YEATS2: variants seen among roughly 807,000 people sequenced by gnomAD.
The protein encoded by YEATS2 is YEATS domain-containing protein 2.
YEATS2 carries 77 observed loss-of-function variants against 163.2 expected under a neutral mutation model. That is an observed-to-expected ratio of 0.47 (90% CI 0.39 to 0.57). The LOEUF (loss-of-function observed/expected upper bound fraction) is 0.57. Among genes scored for constraint, YEATS2 ranks in the 20% least tolerant of loss-of-function variants. YEATS2 has a pLI of 0.00. For synonymous variants in YEATS2, 631 were observed against 645.1 expected (o/e 0.98, Z 0.33); for missense variants, 1,549 against 1,729.8 (o/e 0.90, Z 1.85).
intron 19 of YEATS2, among the ~76,000 whole-genome samples, chr3:183,781,463 C>G (rs1723554480): frequency 6.6e-6 from 1 of 152,174 alleles, no homozygotes; most frequent in African/African-American, 2.4e-5. Context: ...GAGGGCGGAT[C>G]TTCTTTACTC....
Position 183,736,843 on chromosome 3 carries a change from A to G in YEATS2, c.924+14A>G. ...CATAATCTGAAGGTATTGTAACAAA[A>G]CATTGCTCCCTAGTTTTGAAGTCTC... On this transcript the variant is annotated intron_variant, in intron 8 of 30. Coordinates refer to ENST00000305135, the MANE Select transcript of YEATS2 (RefSeq NM_018023.5). 1 of 1,602,306 alleles carries G rather than the reference A, an allele frequency of 6.2e-7. No individual in the cohort carries two copies.
At chr3:183,709,596 A>G (rs772003037) in intron 1 of YEATS2, among the ~76,000 whole-genome samples, 4 of 152,038 alleles carry the variant, frequency 2.6e-5, no homozygotes, top group South Asian at 4.1e-4. Context: ...TGGCCTCCCA[A>G]AGTGCTGAGA....
chr3:183,755,037 T>A (rs1011261171), intron 11 of YEATS2, among the ~76,000 whole-genome samples: 16 of 152,252 alleles, frequency 1.1e-4, no homozygotes, highest in African/African-American at 3.9e-4. Context: ...AAAAAAAGAA[T>A]GTTTGGTGTT....
rs528154383 is a variant in YEATS2, at chr3:183,709,915, T to C, written c.-19-5229T>C. On this transcript the variant is annotated intron_variant, in intron 1 of 30. Transcript: ENST00000305135. Reference sequence around the variant, plus strand: ...CAGGATGGTCTTCATCTCCTGACCTTGTGATCCGCCCACCTCGGCCTCCCA... The same window carrying C: ...CAGGATGGTCTTCATCTCCTGACCTCGTGATCCGCCCACCTCGGCCTCCCA... 1.4e-4 allele frequency among the ~76,000 whole-genome samples: 21 copies of C among 150,898 alleles called. No homozygotes were observed. In the South Asian group the frequency reaches 1.9e-3, roughly 14 times the overall value.
intron 7 of YEATS2, among the ~76,000 whole-genome samples, chr3:183,732,141 C>G (rs1035387885): frequency 2.6e-5 from 4 of 152,040 alleles, no homozygotes; most frequent in African/African-American, 7.2e-5. Flanking sequence ...TGTTTAGGAC[C>G]TTATCTTGTC....
intron 26 of YEATS2, 25 bp downstream of exon 26, chr3:183,803,360 C>G: frequency 6.3e-7 from 1 of 1,598,510 alleles, no homozygotes; most frequent in Non-Finnish European, 8.5e-7. Flanking sequence ...CCTGTCCACT[C>G]TGGCTGCCTC....
chr3:183,733,371 C>G (rs546413445), intron 7 of YEATS2, among the ~76,000 whole-genome samples: 2 of 152,274 alleles, frequency 1.3e-5, no homozygotes, highest in South Asian at 4.1e-4. Flanking sequence ...ATATTTGTTT[C>G]AGTTGTCACT....
At chr3:183,778,330 A>G (rs1174856611) in intron 19 of YEATS2, among the ~76,000 whole-genome samples, 1 of 152,226 alleles carries the variant, frequency 6.6e-6, no homozygotes, top group South Asian at 2.1e-4. Flanking sequence ...GGTCAGTTTT[A>G]AAGTCACACT....
chr3:183,766,551 A>G (rs960324123), intron 15 of YEATS2, among the ~76,000 whole-genome samples: 2 of 152,242 alleles, frequency 1.3e-5, no homozygotes, highest in Admixed American at 1.3e-4. Context: ...GTGTATAACA[A>G]ATACAAAACA....
At chr3:183,769,111 C>G (rs765035153) in intron 15 of YEATS2, among the ~76,000 whole-genome samples, 1 of 152,178 alleles carries the variant, frequency 6.6e-6, no homozygotes, top group African/African-American at 2.4e-5. Context: ...TCTGTTTCTT[C>G]TTTTCTTCTC....
chr3:183,766,989 TA>T (rs974727006), intron 15 of YEATS2, among the ~76,000 whole-genome samples: 1 of 152,126 alleles, frequency 6.6e-6, no homozygotes, highest in East Asian at 1.9e-4. Context: ...TATGTTGTTT[TA>T]AAAAAATAAC....
At chr3:183,772,639 CT>C in intron 16 of YEATS2, 76 bp downstream of exon 16, 1 of 1,565,004 alleles carries the variant, frequency 6.4e-7, no homozygotes, top group Non-Finnish European at 8.7e-7. Context: ...ATTTTATTTG[CT>C]ATTTGATCTG....
chr3:183,758,780 A>C, intron 12 of YEATS2, 82 bp from the exon 13 acceptor site: 1 of 937,436 alleles, frequency 1.1e-6, no homozygotes, highest in South Asian at 1.5e-5. Context: ...AGTGCGAAAG[A>C]GGGGAGGATG....
intron 7 of YEATS2, among the ~76,000 whole-genome samples, chr3:183,735,601 T>TA (rs1366495873): frequency 6.6e-6 from 1 of 152,240 alleles, no homozygotes; most frequent in Non-Finnish European, 1.5e-5. Flanking sequence ...TCACATCTGT[T>TA]ACACTCTTTT....
chr3:183,762,787 C>G (rs1325273519), intron 15 of YEATS2, among the ~76,000 whole-genome samples: 1 of 151,874 alleles, frequency 6.6e-6, no homozygotes, highest in Non-Finnish European at 1.5e-5. Flanking sequence ...CATGGTGGCT[C>G]ACGCCTGTGA....
rs1489701297 is a variant in YEATS2, at chr3:183,756,703, C to G, written c.1552+14C>G. ...CTCCCAGTACAGGTGTGTATTAGAT[C>G]CATATTTGTACCATCTAAAGGGTTT... On this transcript the variant is annotated intron_variant, in intron 12 of 30. Transcript: ENST00000305135. 2.0e-6 allele frequency: 3 copies of G among 1,497,976 alleles called. No individual in the cohort carries two copies. The highest frequency in any genetic ancestry group is 1.8e-6 in the Non-Finnish European group (2 of 1,121,998). The allele number at this position is 1,497,976 out of a possible 1,614,324, so 92.8% of individuals were successfully genotyped here. A position where few individuals can be genotyped will look rare whatever the true frequency, so the allele number is the denominator to read the frequency against.
In YEATS2 at chr3:183,798,908, A is replaced by G. The variant is rs775294102; in HGVS notation, c.3244A>G (p.Thr1082Ala). The G allele has an allele frequency of 1.2e-6, 2 of 1,613,942 alleles. No individual in the cohort carries two copies. Among genetic ancestry groups the G allele is most frequent in the East Asian group, 2.2e-5 (1 of 44,882 alleles). The change falls in exon 23 of 31, where the codon ACC (threonine) becomes GCC (alanine). Residue 1082 changes from threonine (T) to alanine (A), a missense_variant. By Grantham distance (58) the Thr-to-Ala change is moderately conservative. Coordinates refer to ENST00000305135, the MANE Select transcript of YEATS2 (RefSeq NM_018023.5). ...PVNKVVQSFSTSKPPAILPVA... is the reference protein window; with the variant it reads ...PVNKVVQSFSASKPPAILPVA... ...CCCTTTAGTGGTTCAGTCATTTTCT[A>G]CCAGCAAGCCACCTGCCATTCTGCC...
chr3:183,733,111 G>A (rs1046998876), intron 7 of YEATS2, among the ~76,000 whole-genome samples: 1 of 152,230 alleles, frequency 6.6e-6, no homozygotes, highest in Non-Finnish European at 1.5e-5. Context: ...GATTACAGGC[G>A]TGAGCCTTGT....
chr3:183,736,856 G>T (rs761439051), intron 8 of YEATS2, 27 bp downstream of exon 8: 1 of 1,586,012 alleles, frequency 6.3e-7, no homozygotes, highest in African/African-American at 1.4e-5. Context: ...TTGCTCCCTA[G>T]TTTTGAAGTC....
Sources: gnomAD v4.1 joint callset for allele counts (sites outside exome capture counted in the v4.1 genomes callset) on GRCh38, gnomAD v4.1.1 for gene constraint, MANE v1.5 for transcripts, NCBI Gene and HGNC (gene_info 2026-07-23, HGNC 2026-07-21) for gene names.